Variants in PTPRD observed in about 807,000 individuals in gnomAD.
PTPRD encodes receptor-type tyrosine-protein phosphatase delta.
A neutral mutation model predicts 214.5 loss-of-function variants in PTPRD; 34 were observed. The observed-to-expected ratio is 0.16, with a 90% CI of 0.12 to 0.21. PTPRD has a LOEUF of 0.21. Ranked by LOEUF, PTPRD falls within the 10% of genes least tolerant of loss-of-function variation. The pLI, the probability that PTPRD is intolerant of heterozygous loss-of-function variation, is 1.00. For missense variants in PTPRD, 2,545 were observed against 2,398.7 expected, an observed-to-expected ratio of 1.06 and a Z score of -1.27; for synonymous variants, 1,128 against 845.7, an observed-to-expected ratio of 1.33 and a Z score of -5.79.
intron 44 of PTPRD, 132 bp from the exon 45 acceptor site, chr9:8,320,098 G>T (rs1825850508): frequency 9.1e-7 from 1 of 1,103,220 alleles, no homozygotes; most frequent in Non-Finnish European, 1.2e-6. Flanking sequence ...GGAAAACATG[G>T]TATCACATTC....
chr9:10,090,565 TA>T (rs1279758405), intron 3 of PTPRD, among the ~76,000 whole-genome samples: 1 of 150,890 alleles, frequency 6.6e-6, no homozygotes, highest in Non-Finnish European at 1.5e-5. Flanking sequence ...TAATGTATTT[TA>T]ATGTATTTTA....
At chr9:9,580,271 T>G (rs2090318266) in intron 7 of PTPRD, among the ~76,000 whole-genome samples, 1 of 152,160 alleles carries the variant, frequency 6.6e-6, no homozygotes, top group Admixed American at 6.6e-5. Context: ...TCTTAGTTCT[T>G]TGAGAAATCT....
chr9:9,888,035 C>T (rs1010882757), intron 5 of PTPRD, among the ~76,000 whole-genome samples: 35 of 152,036 alleles, frequency 2.3e-4, no homozygotes, highest in Admixed American at 2.6e-4. Context: ...GAAACTGGCC[C>T]GTTAGCAAGG....
Position 10,483,821 on chromosome 9 carries a change from C to T in PTPRD, c.-600+128577G>A, listed in dbSNP as rs1307465030. On this transcript the variant is annotated intron_variant, in intron 2 of 45. Coordinates refer to ENST00000381196, the MANE Select transcript of PTPRD (RefSeq NM_002839.4). ...GTGCAAAGGGAACACAAACACACTG[C>T]CGGTGAGAATGTAAATTAATACAAC... 2.6e-5 allele frequency among the ~76,000 whole-genome samples: 4 copies of T among 152,116 alleles called. No individual in the cohort carries two copies. In the East Asian group the frequency reaches 7.7e-4, roughly 29 times the overall value.
chr9:9,866,891 G>T (rs77772551), intron 5 of PTPRD, among the ~76,000 whole-genome samples: 1 of 152,104 alleles, frequency 6.6e-6, no homozygotes, highest in African/African-American at 2.4e-5. Flanking sequence ...GAACAACAAA[G>T]TTCCTATTAA....
chr9:10,047,337 T>TGTGTGTGTGC (rs1491445418), intron 3 of PTPRD, among the ~76,000 whole-genome samples: 62 of 144,284 alleles, frequency 4.3e-4, no homozygotes, highest in East Asian at 1.2e-3. Context: ...TGTGTGTGTG[T>TGTGTGTGTGC]GCGTGTGTGT....
At chr9:8,339,450 A>G (rs1443340609) in intron 42 of PTPRD, among the ~76,000 whole-genome samples, 1 of 152,144 alleles carries the variant, frequency 6.6e-6, no homozygotes, top group Admixed American at 6.6e-5. Context: ...ATGGTTTGGA[A>G]TGAAGAGAAC....
At chr9:9,740,267 A>T (rs2098379871) in intron 6 of PTPRD, among the ~76,000 whole-genome samples, 1 of 152,118 alleles carries the variant, frequency 6.6e-6, no homozygotes, top group Non-Finnish European at 1.5e-5. Flanking sequence ...TGTTATGCAT[A>T]TTAGCCATTA....
chr9:9,022,210 G>A (rs2099572366), intron 10 of PTPRD, among the ~76,000 whole-genome samples: 2 of 152,046 alleles, frequency 1.3e-5, no homozygotes, highest in Middle Eastern at 3.4e-3. Context: ...GATTATTGAA[G>A]AAAGAAAATA....
At chr9:9,976,233 C>A (rs1427964623) in intron 4 of PTPRD, among the ~76,000 whole-genome samples, 2 of 151,900 alleles carry the variant, frequency 1.3e-5, no homozygotes, top group African/African-American at 4.8e-5. Context: ...CACAAAGGTC[C>A]CCCTCCCAGT....
intron 3 of PTPRD, among the ~76,000 whole-genome samples, chr9:10,202,904 C>A (rs976343197): frequency 6.6e-6 from 1 of 151,764 alleles, no homozygotes; most frequent in Admixed American, 6.6e-5. Flanking sequence ...TTACCAGACA[C>A]TGAATCTGTG....
rs532806059 is a variant in PTPRD at position 10,492,851 on chromosome 9, C to T, written c.-600+119547G>A. On this transcript the variant is annotated intron_variant, in intron 2 of 45. Coordinates refer to ENST00000381196, the MANE Select transcript of PTPRD (RefSeq NM_002839.4). ...AGGGTTTTTATGGCTGTAGGTCTTA[C>T]GTTTAAATCTCAGCCCTAAATCTCG... is the stretch of plus-strand genomic sequence containing the variant. Among the ~76,000 whole-genome samples the T allele has an allele frequency of 1.2e-4, 19 of 152,094 alleles. No homozygotes were observed. In the South Asian group the frequency reaches 2.1e-3, roughly 17 times the overall value.
intron 8 of PTPRD, among the ~76,000 whole-genome samples, chr9:9,572,557 ATATG>A (rs1399228224): frequency 8.9e-6 from 1 of 112,028 alleles, no homozygotes; most frequent in Non-Finnish European, 1.9e-5. Context: ...TGGCATATAT[ATATG>A]TATATATATA....
At chr9:8,748,465 C>T (rs1019143078) in intron 11 of PTPRD, among the ~76,000 whole-genome samples, 1 of 134,244 alleles carries the variant, frequency 7.4e-6, no homozygotes, top group Non-Finnish European at 1.5e-5. Flanking sequence ...TGGGTCCCCT[C>T]CCTTTGTATG....
chr9:9,039,867 C>G (rs967165653), intron 10 of PTPRD, among the ~76,000 whole-genome samples: 13 of 152,090 alleles, frequency 8.5e-5, no homozygotes, highest in Admixed American at 3.3e-4. Context: ...AATATCTGAG[C>G]TCAAAGCTGG....
At chr9:9,251,511 G>T (rs2131594171) in intron 9 of PTPRD, among the ~76,000 whole-genome samples, 1 of 151,866 alleles carries the variant, frequency 6.6e-6, no homozygotes, top group Non-Finnish European at 1.5e-5. Context: ...ATTTTTAAAA[G>T]CCGGCTCAAG....
At chr9:9,662,844 T>C (rs1235500030) in intron 7 of PTPRD, among the ~76,000 whole-genome samples, 2 of 151,614 alleles carry the variant, frequency 1.3e-5, no homozygotes, top group African/African-American at 4.8e-5. Flanking sequence ...TGCCTTGTTT[T>C]ATTGCTGTGT....
chr9:9,817,483 G>C (rs891618448), intron 5 of PTPRD, among the ~76,000 whole-genome samples: 1 of 152,030 alleles, frequency 6.6e-6, no homozygotes, highest in Non-Finnish European at 1.5e-5. Flanking sequence ...CTCAAAAATT[G>C]CTTCAAATAT....
rs181281570 is a variant in PTPRD, at chr9:8,482,422, A to C, written c.3413+1697T>G. On this transcript the variant is annotated intron_variant, in intron 30 of 45. Coordinates refer to ENST00000381196, the MANE Select transcript of PTPRD (RefSeq NM_002839.4). ...CCACCTCCCAATAATTTTCTCTACC[A>C]CTATCTCTATGGCGCTCCCATCTAT... Among the ~76,000 whole-genome samples the C allele has an allele frequency of 2.9e-3, 444 of 151,922 alleles. 1 individual carries two copies. The highest frequency in any genetic ancestry group is 6.8e-3 in the Middle Eastern group (2 of 294).
Sources: gnomAD v4.1 joint callset for allele counts (sites outside exome capture counted in the v4.1 genomes callset) on GRCh38, gnomAD v4.1.1 for gene constraint, MANE v1.5 for transcripts, NCBI Gene and HGNC (gene_info 2026-07-23, HGNC 2026-07-21) for gene names.